Variants in KCNH7 observed in about 807,000 individuals in gnomAD.
KCNH7 encodes the protein potassium voltage-gated channel subfamily H member 7, also known as voltage-gated inwardly rectifying potassium channel KCNH7.
In KCNH7, 49 loss-of-function variants were observed where a neutral mutation model predicts 120.8. The observed-to-expected ratio is 0.41, with a 90% CI of 0.32 to 0.51. The LOEUF is 0.51. Among genes scored for constraint, KCNH7 ranks in the 20% least tolerant of loss-of-function variants. KCNH7 has a pLI of 0.38. For missense variants in KCNH7, 1,097 were observed against 1,446.6 expected (o/e 0.76, Z 3.92); for synonymous variants, 547 against 516.1 (o/e 1.06, Z -0.81).
intron 2 of KCNH7, among the ~76,000 whole-genome samples, chr2:162,804,397 A>T (rs1385658520): frequency 1.3e-5 from 2 of 152,002 alleles, no homozygotes; most frequent in African/African-American, 4.8e-5. Context: ...AAAAAAATCA[A>T]TATACACAAA....
intron 9 of KCNH7, among the ~76,000 whole-genome samples, chr2:162,411,111 C>A (rs936839541): frequency 6.6e-6 from 1 of 151,996 alleles, no homozygotes; most frequent in Non-Finnish European, 1.5e-5. Context: ...GGCAAATACT[C>A]AAAGGAAATT....
intron 2 of KCNH7, among the ~76,000 whole-genome samples, chr2:162,661,580 G>A (rs73012229): frequency 0.017 from 2,549 of 152,200 alleles, 72 homozygotes; most frequent in African/African-American, 0.058. Context: ...ATATCCAAAT[G>A]AGGTGTGTCA....
chr2:162,689,065 A>G (rs192686935), intron 2 of KCNH7, among the ~76,000 whole-genome samples: 387 of 152,198 alleles, frequency 2.5e-3, no homozygotes, highest in African/African-American at 8.5e-3. Context: ...TACATCTTCA[A>G]TAAATAGTAT....
In KCNH7 at chr2:162,494,002, G is replaced by T. The variant is rs1028960284; in HGVS notation, c.1128+10441C>A. 1.3e-5 allele frequency among the ~76,000 whole-genome samples: 2 copies of T among 152,160 alleles called. 1 individual carries two copies. The highest frequency in any genetic ancestry group is 4.1e-4 in the South Asian group (2 of 4,826). ...GAGTATTGAAATAAAAGCACGACAA[G>T]GTTTTCTTAAGGTATTGATCTGTTA... On this transcript the variant is annotated intron_variant, in intron 6 of 15. Transcript: ENST00000332142.
At chr2:162,599,071 C>T (rs1240918542) in intron 2 of KCNH7, among the ~76,000 whole-genome samples, 1 of 151,930 alleles carries the variant, frequency 6.6e-6, no homozygotes, top group Non-Finnish European at 1.5e-5. Context: ...GCCTGGCCAA[C>T]ATGGTGAAAC....
Position 162,463,946 on chromosome 2 carries a change from C to A in KCNH7, c.1129-17503G>T, listed in dbSNP as rs370326107. Among the ~76,000 whole-genome samples, 3 of 151,950 alleles carry A rather than the reference C, an allele frequency of 2.0e-5. No homozygotes were observed. The East Asian group carries it at 5.8e-4, about 29-fold the overall frequency. On this transcript the variant is annotated intron_variant, in intron 6 of 15. Coordinates refer to ENST00000332142, the MANE Select transcript of KCNH7 (RefSeq NM_033272.4). Reference sequence around the variant, plus strand: ...AACAAATCATGTATTCTACTGAAAGCCATTATGAATCTTAAAGTCTGAAGC... The same window carrying A: ...AACAAATCATGTATTCTACTGAAAGACATTATGAATCTTAAAGTCTGAAGC...
chr2:162,681,470 T>C (rs1329821463), intron 2 of KCNH7, among the ~76,000 whole-genome samples: 2 of 151,772 alleles, frequency 1.3e-5, no homozygotes, highest in African/African-American at 4.8e-5. Flanking sequence ...GCTTATGAAC[T>C]ATGCACTGTT....
intron 11 of KCNH7, among the ~76,000 whole-genome samples, chr2:162,394,773 C>A (rs530272166): frequency 1.1e-4 from 16 of 151,774 alleles, no homozygotes; most frequent in Non-Finnish European, 1.8e-4. Flanking sequence ...TAAAATATTT[C>A]TTTATGTGGA....
intron 2 of KCNH7, among the ~76,000 whole-genome samples, chr2:162,692,712 G>T (rs1477208496): frequency 2.0e-5 from 3 of 152,030 alleles, no homozygotes; most frequent in Admixed American, 6.6e-5. Context: ...GTTGAGAAAA[G>T]TTCATATTTG....
intron 2 of KCNH7, among the ~76,000 whole-genome samples, chr2:162,787,004 A>G (rs976449384): frequency 9.9e-5 from 15 of 152,210 alleles, no homozygotes; most frequent in African/African-American, 3.6e-4. Context: ...GCAGCACAAC[A>G]TGGAGAATGA....
chr2:162,737,522 T>C (rs532702153), intron 2 of KCNH7, among the ~76,000 whole-genome samples: 15 of 152,142 alleles, frequency 9.9e-5, no homozygotes, highest in Non-Finnish European at 1.9e-4. Flanking sequence ...TAGCTATATA[T>C]ATTGAAATAA....
At chr2:162,377,616 C>T (rs892042128) in intron 14 of KCNH7, among the ~76,000 whole-genome samples, 3 of 152,140 alleles carry the variant, frequency 2.0e-5, no homozygotes, top group African/African-American at 7.2e-5. Context: ...TGTTAGGTTA[C>T]AGTGGCTTCT....
At chr2:162,519,117 A>T (rs1230614046) in intron 3 of KCNH7, among the ~76,000 whole-genome samples, 1 of 151,774 alleles carries the variant, frequency 6.6e-6, no homozygotes. Flanking sequence ...GCATTCTGAC[A>T]TTTTGGCGGT....
Position 162,384,878 on chromosome 2 carries a change from C to T in KCNH7, c.2772G>A (p.Lys924=), listed in dbSNP as rs1352499059. ...ADTIRHYQSS[K]RHFEEKKSRS... ...TGCTTTTTTTCTCTTCAAAGTGTCTCTTGGAACTCTGATAATGTCTTATGG... is the reference window on the plus strand; with the variant it reads ...TGCTTTTTTTCTCTTCAAAGTGTCTTTTGGAACTCTGATAATGTCTTATGG... The change falls in exon 13 of 16, where the codon AAG becomes AAA. Residue 924 remains lysine, a synonymous_variant. Coordinates refer to ENST00000332142, the MANE Select transcript of KCNH7 (RefSeq NM_033272.4). The T allele has an allele frequency of 6.2e-7, 1 of 1,612,278 alleles. No individual in the cohort carries two copies. The highest frequency in any genetic ancestry group is 8.5e-7 in the Non-Finnish European group (1 of 1,178,718).
chr2:162,514,136 T>A (rs1458498722), intron 4 of KCNH7, among the ~76,000 whole-genome samples: 1 of 151,832 alleles, frequency 6.6e-6, no homozygotes, highest in Non-Finnish European at 1.5e-5. Context: ...TATATCATAA[T>A]AATTTCAAAG....
intron 2 of KCNH7, among the ~76,000 whole-genome samples, chr2:162,787,404 G>A (rs1683750044): frequency 6.6e-6 from 1 of 152,026 alleles, no homozygotes; most frequent in African/African-American, 2.4e-5. Context: ...CAGGCTCTAG[G>A]CTGGCTCCTA....
intron 2 of KCNH7, among the ~76,000 whole-genome samples, chr2:162,779,436 T>A (rs1683390950): frequency 6.6e-6 from 1 of 152,044 alleles, no homozygotes; most frequent in Non-Finnish European, 1.5e-5. Context: ...CTTGACCTCA[T>A]GATCCACCTG....
In KCNH7 at chr2:162,621,849, T is replaced by A. The variant is rs79446335; in HGVS notation, c.308-84769A>T. The stretch of plus-strand genomic sequence containing the variant: ...TATTTATTTACATTTGTTAATGATC[T>A]GTTTGCATGATTCTCTGTATCATCA... On this transcript the variant is annotated intron_variant, in intron 2 of 15. Coordinates refer to ENST00000332142, the MANE Select transcript of KCNH7 (RefSeq NM_033272.4). Among the ~76,000 whole-genome samples the A allele has an allele frequency of 4.5e-3, 687 of 152,300 alleles. 7 individuals are homozygous for A. The highest frequency in any genetic ancestry group is 0.016 in the African/African-American group (660 of 41,576).
intron 3 of KCNH7, among the ~76,000 whole-genome samples, chr2:162,521,250 A>C (rs1172189159): frequency 5.9e-5 from 9 of 151,898 alleles, no homozygotes; most frequent in Non-Finnish European, 1.3e-4. Flanking sequence ...TTGGCATGGT[A>C]AATGAATTTT....
Sources: allele counts gnomAD v4.1 joint callset (sites outside exome capture counted in the v4.1 genomes callset), GRCh38; gene constraint gnomAD v4.1.1; transcripts MANE v1.5; gene names NCBI Gene and HGNC (gene_info 2026-07-23, HGNC 2026-07-21).